STAB2: variants seen among roughly 807,000 people sequenced by gnomAD.
STAB2 encodes the protein stabilin-2.
A neutral mutation model predicts 338.1 loss-of-function variants in STAB2; 288 were observed. That is an observed-to-expected ratio of 0.85 (90% CI 0.77 to 0.94). The LOEUF (loss-of-function observed/expected upper bound fraction) is 0.94, where lower values mean the gene tolerates loss of function less well. Ranked by LOEUF, STAB2 falls within the 40% of genes least tolerant of loss-of-function variation. The pLI is 0.00. For missense variants in STAB2, 3,141 were observed against 3,210.1 expected (o/e 0.98, Z 0.52); for synonymous variants, 1,202 against 1,193.3 (o/e 1.01, Z -0.15).
At chr12:103,588,758 G>A (rs1956751822) in intron 1 of STAB2, among the ~76,000 whole-genome samples, 1 of 152,106 alleles carries the variant, frequency 6.6e-6, no homozygotes, top group African/African-American at 2.4e-5. Flanking sequence ...TTATCCAAAT[G>A]TGAAACCCTC....
At chr12:103,695,478 C>A in intron 31 of STAB2, 72 bp from the exon 32 acceptor site, 1 of 1,424,866 alleles carries the variant, frequency 7.0e-7, no homozygotes, top group South Asian at 1.2e-5. Flanking sequence ...TGGCATTAGA[C>A]TCTCCTATGT....
chr12:103,591,115 T>C, intron 2 of STAB2, 85 bp downstream of exon 2: 1 of 1,578,510 alleles, frequency 6.3e-7, no homozygotes, highest in Non-Finnish European at 8.6e-7. Context: ...TTTCCATGAC[T>C]TTTCTCTTGC....
At chr12:103,753,144 T>C in intron 60 of STAB2, 76 bp from the exon 61 acceptor site, 1 of 1,571,868 alleles carries the variant, frequency 6.4e-7, no homozygotes, top group Non-Finnish European at 8.7e-7. Flanking sequence ...ATTTTGAAAG[T>C]CCTTCAGAGT....
chr12:103,726,195 G>A (rs752091755), intron 46 of STAB2, 32 bp downstream of exon 46: 73 of 1,612,732 alleles, frequency 4.5e-5, no homozygotes, highest in Non-Finnish European at 6.0e-5. Context: ...CTAGCCATAA[G>A]AGTTCAGCCT....
chr12:103,650,724 G>A lies in STAB2; in HGVS notation c.1257+146G>A, dbSNP rs556098187. Reference sequence around the variant, plus strand: ...GTGATTTTTTGATAAACTTCTTTTAGTGATATATAACATCCTTACAGAAAG... The same window carrying A: ...GTGATTTTTTGATAAACTTCTTTTAATGATATATAACATCCTTACAGAAAG... On this transcript the variant is annotated intron_variant, in intron 11 of 68. Coordinates refer to ENST00000388887, the MANE Select transcript of STAB2 (RefSeq NM_017564.10). The A allele has an allele frequency of 1.8e-5, 11 of 602,704 alleles. No individual in the cohort carries two copies. The South Asian group carries it at 2.3e-4, about 13-fold the overall frequency. 37.3% of individuals were successfully genotyped at this position (602,704 alleles called of 1,614,324 possible). A position where few individuals can be genotyped will look rare whatever the true frequency, so the allele number is the denominator to read the frequency against.
chr12:103,677,972 G>A (rs1876542138), intron 25 of STAB2, among the ~76,000 whole-genome samples: 1 of 152,172 alleles, frequency 6.6e-6, no homozygotes, highest in South Asian at 2.1e-4. Flanking sequence ...ATTTAATGGA[G>A]GACAACGCAG....
chr12:103,736,986 T>C (rs1882182054), intron 52 of STAB2, among the ~76,000 whole-genome samples: 1 of 152,194 alleles, frequency 6.6e-6, no homozygotes. Context: ...CAAAGCCCAG[T>C]TGATTATGCC....
chr12:103,753,456 G>C lies in STAB2; in HGVS notation c.6714+103G>C, dbSNP rs1883847729. 12 of 1,500,936 alleles carry C rather than the reference G, an allele frequency of 8.0e-6. No homozygotes were observed. In the South Asian group the frequency reaches 1.3e-4, roughly 17 times the overall value. The allele number at this position is 1,500,936 out of a possible 1,614,324, so 93.0% of individuals were successfully genotyped here. A position where few individuals can be genotyped will look rare whatever the true frequency, so the allele number is the denominator to read the frequency against. The stretch of plus-strand genomic sequence containing the variant: ...GACTTGAGCTGTTGCCTTCAAGCAA[G>C]GGAGTGCAGGTAGCTCCTGGAACAA... On this transcript the variant is annotated intron_variant, in intron 61 of 68. Transcript: ENST00000388887.
chr12:103,636,097 G>T (rs1957540587), intron 6 of STAB2, among the ~76,000 whole-genome samples: 3 of 152,028 alleles, frequency 2.0e-5, no homozygotes, highest in South Asian at 4.2e-4. Context: ...TGCACAACGT[G>T]CAGGTTTGTT....
At chr12:103,695,503 G>T (rs1001234825) in intron 31 of STAB2, 47 bp from the exon 32 acceptor site, 8 of 1,591,404 alleles carry the variant, frequency 5.0e-6, no homozygotes, top group Non-Finnish European at 6.9e-6. Context: ...AAAAGCAGTA[G>T]GTCCTACCAA....
rs142151519 is a variant in STAB2 at position 103,603,359 on chromosome 12, C to T, written c.331+8849C>T. On this transcript the variant is annotated intron_variant, in intron 3 of 68. Transcript: ENST00000388887. ...TGCTGGGATTACAGGCGTGAGCCAC[C>T]GCACCGGCCTATTCCAAGTTAATTC... Among the ~76,000 whole-genome samples the T allele has an allele frequency of 1.8e-3, 277 of 152,308 alleles. 1 individual carries two copies. Among genetic ancestry groups the T allele is most frequent in the African/African-American group, 6.4e-3 (265 of 41,560 alleles).
intron 44 of STAB2, among the ~76,000 whole-genome samples, chr12:103,718,295 A>G (rs1486747675): frequency 6.6e-6 from 1 of 152,196 alleles, no homozygotes; most frequent in Non-Finnish European, 1.5e-5. Context: ...CTGTCATCAC[A>G]GAGGCCTAGA....
chr12:103,606,107 G>A (rs1387263441), intron 3 of STAB2, among the ~76,000 whole-genome samples: 2 of 151,588 alleles, frequency 1.3e-5, no homozygotes, highest in African/African-American at 2.4e-5. Context: ...ATCCTCTTTT[G>A]TCTCCTTTGT....
chr12:103,631,561 T>G (rs368188093), intron 5 of STAB2, 37 bp from the exon 6 acceptor site: 4 of 1,579,674 alleles, frequency 2.5e-6, no homozygotes, highest in Non-Finnish European at 2.6e-6. Context: ...CAACAGTCTA[T>G]GTCAGGTAAT....
At chr12:103,745,121 G>A (rs1882916744) in intron 56 of STAB2, 52 bp from the exon 57 acceptor site, 2 of 1,524,392 alleles carry the variant, frequency 1.3e-6, no homozygotes, top group African/African-American at 2.8e-5. Context: ...CAGGGAGCTG[G>A]TTGATTGGGT....
intron 3 of STAB2, among the ~76,000 whole-genome samples, chr12:103,609,530 T>C (rs1957087427): frequency 6.6e-6 from 1 of 152,234 alleles, no homozygotes; most frequent in Non-Finnish European, 1.5e-5. Context: ...TTTTTGCACA[T>C]TGATTTTGTA....
chr12:103,667,957 C>T (rs1469481672), intron 19 of STAB2, among the ~76,000 whole-genome samples: 3 of 152,146 alleles, frequency 2.0e-5, no homozygotes, highest in African/African-American at 7.2e-5. Context: ...CGTGATAAGA[C>T]CCATTCTCTA....
rs114090916 is a variant in STAB2, at chr12:103,693,031, T to C, written c.3375+142T>C. ...GGTACTGTGCCTCATGACTTTTATTTTAAAACCATCAAGAGAGTCTATTGA... is the reference window on the plus strand; with the variant it reads ...GGTACTGTGCCTCATGACTTTTATTCTAAAACCATCAAGAGAGTCTATTGA... On this transcript the variant is annotated intron_variant, in intron 31 of 68. Coordinates refer to ENST00000388887, the MANE Select transcript of STAB2 (RefSeq NM_017564.10). 1,333 of 569,614 alleles carry C rather than the reference T, an allele frequency of 2.3e-3. 18 individuals are homozygous for C. Among genetic ancestry groups the C allele is most frequent in the African/African-American group, 0.023 (1,201 of 52,492 alleles). The allele number at this position is 569,614 out of a possible 1,614,324, so 35.3% of individuals were successfully genotyped here. A position where few individuals can be genotyped will look rare whatever the true frequency, so the allele number is the denominator to read the frequency against.
intron 56 of STAB2, among the ~76,000 whole-genome samples, chr12:103,744,162 G>A (rs1192415915): frequency 6.8e-6 from 1 of 146,710 alleles, no homozygotes; most frequent in East Asian, 2.0e-4. Flanking sequence ...TTTTTTTTTT[G>A]AGACAAAATC....
Sources: allele counts gnomAD v4.1 joint callset (sites outside exome capture counted in the v4.1 genomes callset), GRCh38; gene constraint gnomAD v4.1.1; transcripts MANE v1.5; gene names NCBI Gene and HGNC (gene_info 2026-07-23, HGNC 2026-07-21).